The following NTM variants were observed in gnomAD, a reference collection of about 807,000 sequenced individuals.
NTM encodes the protein IgLON family member 2.
In NTM, 13 loss-of-function variants were observed where a neutral mutation model predicts 42.1. That is an observed-to-expected ratio of 0.31 (90% CI 0.20 to 0.49). NTM has a LOEUF of 0.49. NTM is among the 20% of genes least tolerant of loss of function. NTM has a pLI of 0.99. For missense variants in NTM, 373 were observed against 452.8 expected, an observed-to-expected ratio of 0.82 and a Z score of 1.60; for synonymous variants, 187 against 179.2, an observed-to-expected ratio of 1.04 and a Z score of -0.35.
chr11:131,512,681 G>A (rs1174422345), intron 1 of NTM, among the ~76,000 whole-genome samples: 3 of 152,204 alleles, frequency 2.0e-5, no homozygotes, highest in African/African-American at 7.2e-5. Flanking sequence ...AAACAGAGCA[G>A]GCCGTGGAAT....
chr11:131,824,941 T>C (rs79179144), intron 1 of NTM, among the ~76,000 whole-genome samples: 16,615 of 152,232 alleles, frequency 0.11, 1,025 homozygotes, highest in Admixed American at 0.19. Flanking sequence ...ACACGGCATG[T>C]ACGTTAGTTT....
intron 1 of NTM, among the ~76,000 whole-genome samples, chr11:131,471,998 C>T (rs1952484245): frequency 6.6e-6 from 1 of 152,198 alleles, no homozygotes; most frequent in Non-Finnish European, 1.5e-5. Context: ...TTCCAACCAG[C>T]CTCCTGAAAC....
chr11:131,844,603 T>C (rs2044690911), intron 1 of NTM, among the ~76,000 whole-genome samples: 1 of 149,150 alleles, frequency 6.7e-6, no homozygotes, highest in African/African-American at 2.5e-5. Flanking sequence ...CCCATGAACA[T>C]GTTATATGCT....
chr11:131,495,535 C>T (rs149774109), intron 1 of NTM, among the ~76,000 whole-genome samples: 33 of 152,334 alleles, frequency 2.2e-4, no homozygotes, highest in Admixed American at 9.1e-4. Flanking sequence ...TCTTTCTGGC[C>T]GCCTATGCGG....
Position 132,310,114 on chromosome 11 carries a change from C to A in NTM, c.664C>A (p.Pro222Thr). Residue 222 changes from proline to threonine, a missense_variant and splice_region_variant, in exon 6 of 9, where the codon CCA becomes ACA. Coordinates refer to ENST00000683400, the MANE Select transcript of NTM (RefSeq NM_001352005.2). Reference protein sequence around the residue: ...VRRVKVTVNYPPYISEAKGTG... With the variant: ...VRRVKVTVNYTPYISEAKGTG... The stretch of plus-strand genomic sequence containing the variant: ...TATGAGACATCTTCTTTTTGCAGAT[C>A]CACCATACATTTCAGAAGCCAAGGG... 6.3e-7 allele frequency: 1 copy of A among 1,585,772 alleles called. No homozygotes were observed. The highest frequency in any genetic ancestry group is 8.5e-7 in the Non-Finnish European group (1 of 1,171,096).
intron 3 of NTM, among the ~76,000 whole-genome samples, chr11:132,184,102 T>C (rs905379360): frequency 1.3e-5 from 2 of 152,198 alleles, no homozygotes; most frequent in African/African-American, 2.4e-5. Flanking sequence ...AACATTTTAC[T>C]ACCGTTTTTG....
At chr11:131,764,635 A>C (rs919218014) in intron 1 of NTM, among the ~76,000 whole-genome samples, 11 of 152,212 alleles carry the variant, frequency 7.2e-5, no homozygotes, top group Non-Finnish European at 1.5e-5. Flanking sequence ...TATATAATAC[A>C]GTAATGTCTG....
At chr11:131,568,199 A>C (rs1317686562) in intron 1 of NTM, among the ~76,000 whole-genome samples, 2 of 152,230 alleles carry the variant, frequency 1.3e-5, no homozygotes, top group Non-Finnish European at 2.9e-5. Flanking sequence ...AACAGTAAAC[A>C]AAAAAGATGT....
At chr11:131,611,277 G>T (rs2061441741) in intron 1 of NTM, among the ~76,000 whole-genome samples, 1 of 152,176 alleles carries the variant, frequency 6.6e-6, no homozygotes, top group Non-Finnish European at 1.5e-5. Context: ...TGTTAAGTAT[G>T]AGGTAATAGC....
intron 3 of NTM, among the ~76,000 whole-genome samples, chr11:132,206,231 C>A (rs1383119092): frequency 6.6e-6 from 1 of 152,166 alleles, no homozygotes; most frequent in African/African-American, 2.4e-5. Context: ...TACGACATTT[C>A]TTTTAAAAAA....
chr11:131,693,744 A>G (rs1245334949), intron 1 of NTM, among the ~76,000 whole-genome samples: 1 of 152,220 alleles, frequency 6.6e-6, no homozygotes, highest in Non-Finnish European at 1.5e-5. Flanking sequence ...CTGCAGAGAC[A>G]AAGCCTCGGG....
intron 1 of NTM, among the ~76,000 whole-genome samples, chr11:131,894,688 C>T (rs1253201044): frequency 6.6e-6 from 1 of 152,182 alleles, no homozygotes; most frequent in African/African-American, 2.4e-5. Context: ...AGATTGCAAA[C>T]CACCAGCAGC....
chr11:131,957,030 T>C (rs1409333574), intron 2 of NTM, among the ~76,000 whole-genome samples: 2 of 152,128 alleles, frequency 1.3e-5, no homozygotes, highest in Non-Finnish European at 2.9e-5. Context: ...AATCATGGTT[T>C]AGATGGGGGA....
rs142263637 is a variant in NTM at position 131,929,555 on chromosome 11, TAG to T, written c.167+17911_167+17912del. ...CTGTATTTTCTTTGCGTTTTTGTGTTAGAGACAGGACACAGCCCTCGTGTAGA... is the reference window on the plus strand; with the variant it reads ...CTGTATTTTCTTTGCGTTTTTGTGTTAGACAGGACACAGCCCTCGTGTAGA... On this transcript the variant is annotated intron_variant, in intron 2 of 8. Transcript: ENST00000683400. Among the ~76,000 whole-genome samples, 250 of 152,290 alleles carry T rather than the reference TAG, an allele frequency of 1.6e-3. 1 individual carries two copies. In the East Asian group the frequency reaches 0.02, roughly 12 times the overall value.
chr11:132,314,989 AAAATG>A, intron 7 of NTM: 1 of 1,175,902 alleles, frequency 8.5e-7, no homozygotes, highest in Admixed American at 4.5e-5. Flanking sequence ...TGGGAAAAGG[AAAATG>A]AAAAAGAATG....
intron 2 of NTM, among the ~76,000 whole-genome samples, chr11:132,144,098 C>T (rs913168153): frequency 1.3e-5 from 2 of 152,144 alleles, no homozygotes; most frequent in African/African-American, 4.8e-5. Context: ...GAGCTCCCAC[C>T]CAAGTGATGC....
intron 1 of NTM, among the ~76,000 whole-genome samples, chr11:131,702,599 A>G (rs1273472237): frequency 6.6e-6 from 1 of 152,226 alleles, no homozygotes; most frequent in African/African-American, 2.4e-5. Flanking sequence ...GCAGCACCAG[A>G]CAAACAGGAA....
chr11:132,031,876 C>T (rs77161191), intron 2 of NTM, among the ~76,000 whole-genome samples: 8,416 of 152,176 alleles, frequency 0.055, 424 homozygotes, highest in African/African-American at 0.13. Context: ...TCTTCTTGTT[C>T]TCATCTAGTT....
At position 131,911,665 on chromosome 11, in the gene NTM, G is replaced by A. The variant is rs770892505; in HGVS notation, c.167+17G>A. ...CACCCTCAGGTAGGGAGCTGACATT[G>A]TTCTGCGAACTGATGGTTTGTATGG... On this transcript the variant is annotated intron_variant, in intron 2 of 8. Transcript: ENST00000683400. 6.2e-7 allele frequency: 1 copy of A among 1,613,994 alleles called. No individual in the cohort carries two copies.
Sources: gnomAD v4.1 joint callset for allele counts (sites outside exome capture counted in the v4.1 genomes callset) on GRCh38, gnomAD v4.1.1 for gene constraint, MANE v1.5 for transcripts, NCBI Gene and HGNC (gene_info 2026-07-23, HGNC 2026-07-21) for gene names.